HACE1: variants seen among roughly 807,000 people sequenced by gnomAD.
The protein encoded by HACE1 is E3 ubiquitin-protein ligase HACE1.
Under a neutral mutation model 118.4 loss-of-function variants are expected in HACE1, and 73 were observed. The ratio of observed to expected loss-of-function variants is 0.62; its 90% confidence interval spans 0.51 to 0.75. The LOEUF is 0.75. HACE1 is among the 30% of genes least tolerant of loss of function. The pLI is 0.00. For synonymous variants in HACE1, 368 were observed against 374.8 expected, an observed-to-expected ratio of 0.98 and a Z score of 0.21; for missense variants, 749 against 1,102.2, an observed-to-expected ratio of 0.68 and a Z score of 4.54.
At chr6:104,767,897 A>G (rs1419148192) in intron 19 of HACE1, among the ~76,000 whole-genome samples, 1 of 151,922 alleles carries the variant, frequency 6.6e-6, no homozygotes, top group African/African-American at 2.4e-5. Context: ...TCTTACTCTT[A>G]TCTTCTTTTT....
intron 7 of HACE1, among the ~76,000 whole-genome samples, chr6:104,808,730 T>C (rs931987849): frequency 2.0e-5 from 3 of 152,186 alleles, no homozygotes; most frequent in African/African-American, 7.2e-5. Flanking sequence ...TATATTCCTT[T>C]CCCTTTCATT....
chr6:104,810,783 A>C (rs1771515302), intron 7 of HACE1, among the ~76,000 whole-genome samples: 1 of 152,086 alleles, frequency 6.6e-6, no homozygotes, highest in Non-Finnish European at 1.5e-5. Flanking sequence ...GAAATACAAA[A>C]ATAACTTAAT....
At chr6:104,844,545 A>G (rs1775452339) in intron 4 of HACE1, among the ~76,000 whole-genome samples, 1 of 151,060 alleles carries the variant, frequency 6.6e-6, no homozygotes, top group Non-Finnish European at 1.5e-5. Context: ...CGGTTTCACC[A>G]TGTTGGACAG....
In HACE1 at chr6:104,750,963, C is replaced by T. The variant is rs117711728; in HGVS notation, c.2212-491G>A. ...GATCCGGCAGCTCTCTTGCTCAAAACCCTATAATGACTTCTCATGACATCT... is the reference window on the plus strand; with the variant it reads ...GATCCGGCAGCTCTCTTGCTCAAAATCCTATAATGACTTCTCATGACATCT... On this transcript the variant is annotated intron_variant, in intron 19 of 23. Transcript: ENST00000262903. Among the ~76,000 whole-genome samples, 218 of 152,288 alleles carry T rather than the reference C, an allele frequency of 1.4e-3. 4 individuals are homozygous for T. The East Asian group carries it at 0.037, about 26-fold the overall frequency.
At chr6:104,770,123 T>C (rs1780453895) in intron 19 of HACE1, among the ~76,000 whole-genome samples, 1 of 152,152 alleles carries the variant, frequency 6.6e-6, no homozygotes, top group Admixed American at 6.6e-5. Context: ...AAATCTATAG[T>C]TTAAAAAATG....
intron 22 of HACE1, among the ~76,000 whole-genome samples, chr6:104,739,610 G>T (rs543975869): frequency 6.6e-6 from 1 of 151,968 alleles, no homozygotes; most frequent in African/African-American, 2.4e-5. Flanking sequence ...TCAACAAGAA[G>T]AGCTAACTAT....
intron 7 of HACE1, among the ~76,000 whole-genome samples, chr6:104,802,183 T>C (rs891876539): frequency 6.6e-6 from 1 of 152,122 alleles, no homozygotes; most frequent in Non-Finnish European, 1.5e-5. Context: ...TAAATATATA[T>C]GCACTCAACA....
chr6:104,834,268 C>G (rs1774305379), intron 5 of HACE1, among the ~76,000 whole-genome samples: 1 of 152,120 alleles, frequency 6.6e-6, no homozygotes, highest in African/African-American at 2.4e-5. Context: ...TAGTTTGTCT[C>G]TGGAGAAAAG....
At position 104,859,649 on chromosome 6, in the gene HACE1, C is replaced by G. The variant is rs898792343; in HGVS notation, c.-7G>C. ...GCTCCATCGCTCTCTCCATCCTCGGCGCGCCCTCCGCGATCCTCCGCGATC... is the reference window on the plus strand; with the variant it reads ...GCTCCATCGCTCTCTCCATCCTCGGGGCGCCCTCCGCGATCCTCCGCGATC... On this transcript the variant is annotated 5_prime_UTR_variant, in exon 1 of 24. Transcript: ENST00000262903. 6.5e-6 allele frequency: 10 copies of G among 1,530,902 alleles called. No homozygotes were observed. The highest frequency in any genetic ancestry group is 8.8e-6 in the Non-Finnish European group (10 of 1,142,498). 94.8% of individuals were successfully genotyped at this position (1,530,902 alleles called of 1,614,324 possible). A position where few individuals can be genotyped will look rare whatever the true frequency, so the allele number is the denominator to read the frequency against.
intron 19 of HACE1, among the ~76,000 whole-genome samples, chr6:104,756,465 A>AC: frequency 6.7e-6 from 1 of 150,038 alleles, no homozygotes; most frequent in Non-Finnish European, 1.5e-5. Context: ...ACACACACTT[A>AC]TTATTAAAGT....
rs114133783 is a variant in HACE1, at chr6:104,735,100, C to A, written c.2514-4684G>T. 6.6e-3 allele frequency among the ~76,000 whole-genome samples: 996 copies of A among 151,870 alleles called. 10 individuals are homozygous for A. The highest frequency in any genetic ancestry group is 0.023 in the African/African-American group (950 of 41,450). On this transcript the variant is annotated intron_variant, in intron 22 of 23. Coordinates refer to ENST00000262903, the MANE Select transcript of HACE1 (RefSeq NM_020771.4). ...GATTTACAAAAACCACAAAGGAAAGCAATGATAATCAATTTGGCAATACCG... is the reference window on the plus strand; with the variant it reads ...GATTTACAAAAACCACAAAGGAAAGAAATGATAATCAATTTGGCAATACCG...
rs2114446140 is a variant in HACE1 at position 104,859,875 on chromosome 6, T to C, written c.-233A>G. ...CCGCCGCCTCTGCTCGCGCCTTTCCTGCAGCCCCCGCCGCCGCGTCCCTCC... is the reference window on the plus strand; with the variant it reads ...CCGCCGCCTCTGCTCGCGCCTTTCCCGCAGCCCCCGCCGCCGCGTCCCTCC... On this transcript the variant is annotated 5_prime_UTR_variant, in exon 1 of 24. Coordinates refer to ENST00000262903, the MANE Select transcript of HACE1 (RefSeq NM_020771.4). 2.1e-6 allele frequency: 1 copy of C among 484,660 alleles called. No homozygotes were observed. The highest frequency in any genetic ancestry group is 3.6e-6 in the Non-Finnish European group (1 of 275,000). 30.0% of individuals were successfully genotyped at this position (484,660 alleles called of 1,614,324 possible).
In HACE1 at chr6:104,772,749, T is replaced by C. The variant is rs567759456; in HGVS notation, c.1865-675A>G. Among the ~76,000 whole-genome samples, 8 of 152,290 alleles carry C rather than the reference T, an allele frequency of 5.3e-5. No individual in the cohort carries two copies. In the South Asian group the frequency reaches 1.2e-3, roughly 24 times the overall value. ...AAGGGCAATAAGTTACCAATTACTATGAAAATCCAGTGCAATGGAATATGA... is the reference window on the plus strand; with the variant it reads ...AAGGGCAATAAGTTACCAATTACTACGAAAATCCAGTGCAATGGAATATGA... On this transcript the variant is annotated intron_variant, in intron 17 of 23. Transcript: ENST00000262903.
chr6:104,803,318 T>G (rs2114922786), intron 7 of HACE1, among the ~76,000 whole-genome samples: 1 of 152,270 alleles, frequency 6.6e-6, no homozygotes. Flanking sequence ...CTTCTGAAAC[T>G]ATTCCAATCA....
chr6:104,755,478 T>C (rs930079969), intron 19 of HACE1, among the ~76,000 whole-genome samples: 4 of 152,234 alleles, frequency 2.6e-5, no homozygotes, highest in Non-Finnish European at 4.4e-5. Context: ...AGAATATACA[T>C]TCTTCTCATC....
chr6:104,812,728 C>G (rs1018354354), intron 6 of HACE1, among the ~76,000 whole-genome samples: 3 of 152,078 alleles, frequency 2.0e-5, no homozygotes, highest in African/African-American at 7.2e-5. Flanking sequence ...CAACTCAATT[C>G]TTACTACAGA....
intron 6 of HACE1, among the ~76,000 whole-genome samples, chr6:104,812,321 T>C (rs1771713364): frequency 6.6e-6 from 1 of 152,054 alleles, no homozygotes; most frequent in African/African-American, 2.4e-5. Context: ...CACATCATAG[T>C]AGTAGGCCTA....
chr6:104,743,303 AAAGTAT>A (rs1472411469), intron 22 of HACE1, among the ~76,000 whole-genome samples: 2 of 149,454 alleles, frequency 1.3e-5, no homozygotes, highest in Non-Finnish European at 3.0e-5. Context: ...CCTAAAACTT[AAAGTAT>A]AATAATAAAA....
chr6:104,753,584 C>T (rs925499756), intron 19 of HACE1, among the ~76,000 whole-genome samples: 1 of 152,194 alleles, frequency 6.6e-6, no homozygotes, highest in South Asian at 2.1e-4. Context: ...TCTGCTGATA[C>T]CTCCAGGTAT....
Sources: allele counts gnomAD v4.1 joint callset (sites outside exome capture counted in the v4.1 genomes callset), GRCh38; gene constraint gnomAD v4.1.1; transcripts MANE v1.5; gene names NCBI Gene and HGNC (gene_info 2026-07-23, HGNC 2026-07-21).